Variants in DCP2 observed in about 807,000 individuals in gnomAD.
DCP2 encodes m7GpppN-mRNA hydrolase.
In DCP2, 30 loss-of-function variants were observed where a neutral mutation model predicts 56.1. That is an observed-to-expected ratio of 0.53 (90% CI 0.40 to 0.73). The LOEUF is 0.73. Among genes scored for constraint, DCP2 ranks in the 30% least tolerant of loss-of-function variants. The probability of loss-of-function intolerance (pLI) is 0.00; values close to 1 mark genes in which losing one functional copy is unlikely to be tolerated. For missense variants in DCP2, 533 were observed against 502.7 expected, an observed-to-expected ratio of 1.06 and a Z score of -0.58; for synonymous variants, 197 against 163.3, an observed-to-expected ratio of 1.21 and a Z score of -1.57.
intron 8 of DCP2, among the ~76,000 whole-genome samples, chr5:113,006,878 A>G (rs1749463104): frequency 6.6e-6 from 1 of 152,196 alleles, no homozygotes. Context: ...CACACCTGTA[A>G]TTCTAGCTCT....
intron 9 of DCP2, among the ~76,000 whole-genome samples, chr5:113,010,357 A>G (rs1280324878): frequency 6.6e-6 from 1 of 152,064 alleles, no homozygotes; most frequent in East Asian, 1.9e-4. Flanking sequence ...CCTCAGCTAA[A>G]TTAGTTAGCC....
chr5:113,003,172 C>T (rs527249122), intron 7 of DCP2, among the ~76,000 whole-genome samples: 23 of 116,784 alleles, frequency 2.0e-4, no homozygotes, highest in Non-Finnish European at 4.3e-4. Context: ...CTGACTAATT[C>T]CTGACCTTGA....
At chr5:113,010,005 T>A (rs1393901099) in intron 9 of DCP2, among the ~76,000 whole-genome samples, 1 of 150,838 alleles carries the variant, frequency 6.6e-6, no homozygotes, top group Non-Finnish European at 1.5e-5. Flanking sequence ...CTTGAACTTC[T>A]GGGCTCAAGC....
intron 8 of DCP2, among the ~76,000 whole-genome samples, chr5:113,007,150 C>G (rs1749477074): frequency 6.6e-6 from 1 of 151,982 alleles, no homozygotes; most frequent in Middle Eastern, 3.4e-3. Context: ...TAATAGTAAT[C>G]TTTGTTATTT....
chr5:113,012,849 G>A (rs921256575), intron 10 of DCP2, among the ~76,000 whole-genome samples: 1 of 151,722 alleles, frequency 6.6e-6, no homozygotes, highest in African/African-American at 2.4e-5. Flanking sequence ...TCACCATCTT[G>A]GCCAGGCTGG....
chr5:112,977,111 C>G (rs746195784), intron 1 of DCP2, 125 bp downstream of exon 1: 5 of 670,552 alleles, frequency 7.5e-6, no homozygotes, highest in African/African-American at 1.9e-5. Flanking sequence ...CGCCGCTGCT[C>G]GCTTTCCATC....
chr5:113,004,048 T>G lies in DCP2; in HGVS notation c.913T>G (p.Ser305Ala). The G allele has an allele frequency of 6.2e-7, 1 of 1,614,106 alleles. No individual in the cohort carries two copies. The highest frequency in any genetic ancestry group is 8.5e-7 in the Non-Finnish European group (1 of 1,179,978). ...PLQQKPYNNH[S>A]EMSDLLKGKN... Reference sequence around the variant, plus strand: ...GCAGCAAAAGCCATATAATAATCATTCTGAAATGTCTGACCTTTTAAAAGG... The same window carrying G: ...GCAGCAAAAGCCATATAATAATCATGCTGAAATGTCTGACCTTTTAAAAGG... Residue 305 changes from serine (S) to alanine (A), a missense_variant, in exon 8 of 11, where the codon TCT (serine) becomes GCT (alanine). Ser to Ala is a moderately conservative substitution (Grantham distance 99). This residue lies in a region of DCP2 where 392 missense variants were observed against 346.6 expected (regional missense o/e 1.13). Coordinates refer to ENST00000389063, the MANE Select transcript of DCP2 (RefSeq NM_152624.6).
At chr5:113,010,835 C>T (rs909305117) in intron 10 of DCP2, 28 bp downstream of exon 10, 1 of 1,583,298 alleles carries the variant, frequency 6.3e-7, no homozygotes, top group Non-Finnish European at 8.5e-7. Context: ...TTTTTATAAT[C>T]TCTGCCTTGT....
At chr5:113,008,102 G>A in intron 9 of DCP2, 60 bp downstream of exon 9, 1 of 1,368,980 alleles carries the variant, frequency 7.3e-7, no homozygotes, top group Admixed American at 1.9e-5. Flanking sequence ...TGAAACAAGG[G>A]CATTGCCAAA....
chr5:113,004,211 T>C, intron 8 of DCP2, 134 bp downstream of exon 8: 1 of 1,041,792 alleles, frequency 9.6e-7, no homozygotes, highest in Admixed American at 3.0e-5. Flanking sequence ...TGTTCCTTAC[T>C]TATGATTTGA....
At chr5:112,994,163 C>CTTTTTTTTT (rs771514208) in intron 4 of DCP2, among the ~76,000 whole-genome samples, 1 of 75,180 alleles carries the variant, frequency 1.3e-5, no homozygotes, top group African/African-American at 5.2e-5. Context: ...TTTTTTCTTT[C>CTTTTTTTTT]TTTTTTTTTT....
At chr5:112,993,660 T>A (rs997181814) in intron 4 of DCP2, among the ~76,000 whole-genome samples, 12 of 149,962 alleles carry the variant, frequency 8.0e-5, no homozygotes, top group East Asian at 7.8e-4. Context: ...AAAACCAAAA[T>A]TTTTTTTACT....
chr5:113,007,639 C>T (rs370191075), intron 8 of DCP2, among the ~76,000 whole-genome samples: 5 of 152,032 alleles, frequency 3.3e-5, no homozygotes, highest in Non-Finnish European at 7.4e-5. Context: ...CCTCGTGATC[C>T]GCCCGCCTCA....
chr5:112,978,136 C>G (rs1303267700), intron 1 of DCP2, among the ~76,000 whole-genome samples: 1 of 151,990 alleles, frequency 6.6e-6, no homozygotes, highest in African/African-American at 2.4e-5. Flanking sequence ...GCCACCACAC[C>G]CGGCTAATTT....
rs909084411 is a variant in DCP2 at position 113,015,472 on chromosome 5, A to T, written c.*1988A>T. The T allele has an allele frequency of 6.6e-6, 1 of 152,498 alleles. No homozygotes were observed. Among genetic ancestry groups the T allele is most frequent in the African/African-American group, 2.4e-5 (1 of 41,398 alleles). 9.4% of individuals were successfully genotyped at this position (152,498 alleles called of 1,614,324 possible). On this transcript the variant is annotated 3_prime_UTR_variant, in exon 11 of 11. Coordinates refer to ENST00000389063, the MANE Select transcript of DCP2 (RefSeq NM_152624.6). The stretch of plus-strand genomic sequence containing the variant: ...AAAAGAGATTATAGTTACCAGAAGT[A>T]TGGCCTCTAATGGTGTTGAGCCTTT...
chr5:113,005,389 TG>T (rs143398089), intron 8 of DCP2, among the ~76,000 whole-genome samples: 3,085 of 152,248 alleles, frequency 0.02, 94 homozygotes, highest in African/African-American at 0.07. Flanking sequence ...GATATGCAAA[TG>T]GCTCAACATT....
At chr5:113,005,894 A>C (rs999056460) in intron 8 of DCP2, among the ~76,000 whole-genome samples, 1 of 152,222 alleles carries the variant, frequency 6.6e-6, no homozygotes, top group African/African-American at 2.4e-5. Context: ...TCTCTTTGGT[A>C]GGCTGAGGCA....
Position 112,978,105 on chromosome 5 carries a change from C to G in DCP2, c.53+1119C>G, listed in dbSNP as rs1324210238. On this transcript the variant is annotated intron_variant, in intron 1 of 10. Coordinates refer to ENST00000389063, the MANE Select transcript of DCP2 (RefSeq NM_152624.6). ...CGAGTCTCTGCCTCAGCCTCCCTAG[C>G]AGCTGGGATTACAGGCACCCGCCAC... Among the ~76,000 whole-genome samples the G allele has an allele frequency of 3.9e-5, 6 of 151,938 alleles. 1 individual carries two copies. The highest frequency in any genetic ancestry group is 1.5e-4 in the African/African-American group (6 of 41,362).
At chr5:112,982,214 T>G (rs987379958) in intron 1 of DCP2, among the ~76,000 whole-genome samples, 3 of 152,218 alleles carry the variant, frequency 2.0e-5, no homozygotes, top group Non-Finnish European at 2.9e-5. Flanking sequence ...TCTAGCTGCT[T>G]TTTTCAACCC....
Sources: gnomAD v4.1 joint callset for allele counts (sites outside exome capture counted in the v4.1 genomes callset) on GRCh38, gnomAD v4.1.1 for gene constraint, gnomAD v4.1.1 regional missense constraint, MANE v1.5 for transcripts, NCBI Gene and HGNC (gene_info 2026-07-23, HGNC 2026-07-21) for gene names.